PDE7B: variants seen among roughly 807,000 people sequenced by gnomAD.
PDE7B encodes the protein phosphodiesterase 7B.
A neutral mutation model predicts 56.2 loss-of-function variants in PDE7B; 29 were observed. The observed-to-expected ratio is 0.52, with a 90% CI of 0.38 to 0.70. The LOEUF (loss-of-function observed/expected upper bound fraction) is 0.70, where lower values mean the gene tolerates loss of function less well. PDE7B is among the 30% of genes least tolerant of loss of function. The probability of loss-of-function intolerance (pLI) is 0.00; values close to 1 mark genes in which losing one functional copy is unlikely to be tolerated. For synonymous variants in PDE7B, 197 were observed against 196.9 expected (o/e 1.00, Z 0.00); for missense variants, 490 against 565.0 (o/e 0.87, Z 1.35).
intron 11 of PDE7B, 84 bp downstream of exon 11, chr6:136,181,407 T>C (rs977209841): frequency 1.2e-6 from 1 of 834,776 alleles, no homozygotes; most frequent in Non-Finnish European, 2.1e-6. Context: ...ATGGCTGATC[T>C]ATCATGACAT....
At chr6:135,938,537 C>T (rs1239594023) in intron 1 of PDE7B, among the ~76,000 whole-genome samples, 1 of 152,186 alleles carries the variant, frequency 6.6e-6, no homozygotes, top group Non-Finnish European at 1.5e-5. Flanking sequence ...CACTGTACTC[C>T]ATGCCATAAG....
chr6:135,882,190 A>G (rs1775622541), intron 1 of PDE7B, among the ~76,000 whole-genome samples: 1 of 152,240 alleles, frequency 6.6e-6, no homozygotes, highest in Admixed American at 6.5e-5. Context: ...GAATTTTCCT[A>G]TTGGATATCC....
At chr6:135,870,039 T>A (rs988810528) in intron 1 of PDE7B, among the ~76,000 whole-genome samples, 6 of 152,140 alleles carry the variant, frequency 3.9e-5, no homozygotes, top group Non-Finnish European at 8.8e-5. Context: ...AAGTGATTCA[T>A]GCTTTAAAAG....
intron 1 of PDE7B, among the ~76,000 whole-genome samples, chr6:135,932,581 T>C (rs1223780349): frequency 2.6e-5 from 4 of 152,158 alleles, no homozygotes; most frequent in Non-Finnish European, 5.9e-5. Context: ...GATAAATATA[T>C]AGATGCACAC....
At chr6:136,170,986 T>C (rs767346812) in intron 8 of PDE7B, among the ~76,000 whole-genome samples, 23 of 152,188 alleles carry the variant, frequency 1.5e-4, no homozygotes, top group Admixed American at 3.3e-4. Flanking sequence ...AACTATCCTT[T>C]TATATGTTTT....
intron 1 of PDE7B, among the ~76,000 whole-genome samples, chr6:135,878,743 C>G (rs1185448303): frequency 6.6e-6 from 1 of 152,070 alleles, no homozygotes; most frequent in Non-Finnish European, 1.5e-5. Context: ...CTATCCTTAC[C>G]AAAAATCTAT....
chr6:136,086,594 A>G (rs1258925673), intron 2 of PDE7B, among the ~76,000 whole-genome samples: 3 of 152,216 alleles, frequency 2.0e-5, no homozygotes, highest in Admixed American at 6.5e-5. Context: ...CAATAGTGGT[A>G]TATGTGGGAA....
intron 2 of PDE7B, among the ~76,000 whole-genome samples, chr6:136,004,865 T>C (rs1775747571): frequency 6.6e-6 from 1 of 151,998 alleles, no homozygotes; most frequent in Non-Finnish European, 1.5e-5. Flanking sequence ...TTAAAGTTCA[T>C]ATGGAACCAA....
At chr6:135,956,919 GAA>G (rs1396664816) in intron 2 of PDE7B, among the ~76,000 whole-genome samples, 2 of 151,892 alleles carry the variant, frequency 1.3e-5, no homozygotes, top group African/African-American at 2.4e-5. Context: ...GGAACGAAAA[GAA>G]AAGTCAGAAA....
chr6:135,943,625 T>C (rs1774543999), intron 1 of PDE7B, among the ~76,000 whole-genome samples: 1 of 152,096 alleles, frequency 6.6e-6, no homozygotes, highest in Non-Finnish European at 1.5e-5. Flanking sequence ...GCTAAAAGAG[T>C]ACAATGCGAG....
intron 1 of PDE7B, among the ~76,000 whole-genome samples, chr6:135,937,261 C>A (rs945439869): frequency 1.3e-5 from 2 of 152,188 alleles, no homozygotes; most frequent in African/African-American, 2.4e-5. Context: ...GAACAGATGG[C>A]CTGTGAGCTG....
At position 136,025,193 on chromosome 6, in the gene PDE7B, A is replaced by G. The variant is rs144215614; in HGVS notation, c.82+77669A>G. The stretch of plus-strand genomic sequence containing the variant: ...ACCATAGAAACAATAGTGCTAATTC[A>G]GCATGCACTGTGATTTAGACCACTT... On this transcript the variant is annotated intron_variant, in intron 2 of 12. Coordinates refer to ENST00000308191, the MANE Select transcript of PDE7B (RefSeq NM_018945.4). 2.1e-3 allele frequency among the ~76,000 whole-genome samples: 319 copies of G among 152,378 alleles called. 2 individuals are homozygous for G. The highest frequency in any genetic ancestry group is 7.2e-3 in the African/African-American group (300 of 41,590).
chr6:135,933,086 G>A (rs1256824388), intron 1 of PDE7B, among the ~76,000 whole-genome samples: 3 of 152,140 alleles, frequency 2.0e-5, no homozygotes, highest in Non-Finnish European at 4.4e-5. Flanking sequence ...GTTAGAATAA[G>A]GTCATTTCCA....
At chr6:135,990,535 C>T (rs80232977) in intron 2 of PDE7B, among the ~76,000 whole-genome samples, 7,980 of 152,280 alleles carry the variant, frequency 0.052, 290 homozygotes, top group Non-Finnish European at 0.084. Context: ...GCTCTTGAAA[C>T]AGAACCTGCT....
rs201807797 is a variant in PDE7B at position 135,917,603 on chromosome 6, TG to T, written c.22-29860del. Among the ~76,000 whole-genome samples the T allele has an allele frequency of 4.5e-3, 677 of 151,334 alleles. 7 individuals are homozygous for T. Among genetic ancestry groups the T allele is most frequent in the African/African-American group, 0.015 (594 of 40,864 alleles). On this transcript the variant is annotated intron_variant, in intron 1 of 12. Coordinates refer to ENST00000308191, the MANE Select transcript of PDE7B (RefSeq NM_018945.4). ...AAGTCTGCCTCTATTGATTTGTTGT[TG>T]TTTTTTTTTTATTGTTGTTGTTGTT...
At chr6:135,995,209 G>A (rs1302603028) in intron 2 of PDE7B, among the ~76,000 whole-genome samples, 7 of 60,056 alleles carry the variant, frequency 1.2e-4, no homozygotes, top group Non-Finnish European at 2.5e-4. Context: ...ACCCTCCCCC[G>A]GCCCCACGCT....
intron 3 of PDE7B, among the ~76,000 whole-genome samples, chr6:136,143,310 C>T (rs1778359506): frequency 6.6e-6 from 1 of 151,790 alleles, no homozygotes; most frequent in South Asian, 2.1e-4. Context: ...CACTTAAGCC[C>T]AGGATCATCA....
chr6:136,106,110 G>A (rs1023079650), intron 2 of PDE7B, among the ~76,000 whole-genome samples: 1 of 151,914 alleles, frequency 6.6e-6, no homozygotes, highest in Admixed American at 6.5e-5. Context: ...GCGTGAAAGT[G>A]CTGGAAGGAG....
intron 3 of PDE7B, among the ~76,000 whole-genome samples, chr6:136,126,169 A>C (rs1255698061): frequency 6.6e-6 from 1 of 152,166 alleles, no homozygotes; most frequent in Non-Finnish European, 1.5e-5. Context: ...ATACAGGTGT[A>C]TTATGTTGGA....
Sources: allele counts gnomAD v4.1 joint callset (sites outside exome capture counted in the v4.1 genomes callset), GRCh38; gene constraint gnomAD v4.1.1; transcripts MANE v1.5; gene names NCBI Gene and HGNC (gene_info 2026-07-23, HGNC 2026-07-21).